The following SNTG2 variants were observed in gnomAD, a reference collection of about 807,000 sequenced individuals.
SNTG2 encodes gamma-2-syntrophin.
SNTG2 carries 74 observed loss-of-function variants against 70.9 expected under a neutral mutation model. The observed-to-expected ratio is 1.04, with a 90% confidence interval of 0.86 to 1.27. The LOEUF (loss-of-function observed/expected upper bound fraction) is 1.27, where lower values mean the gene tolerates loss of function less well. Among genes scored for constraint, SNTG2 ranks in the 50% most tolerant of loss-of-function variants. SNTG2 has a pLI of 0.00. For missense variants in SNTG2, 717 were observed against 690.7 expected (o/e 1.04, Z -0.43); for synonymous variants, 278 against 273.8 (o/e 1.02, Z -0.15).
intron 2 of SNTG2, among the ~76,000 whole-genome samples, chr2:1,086,146 CAG>C (rs972276878): frequency 6.6e-6 from 1 of 152,152 alleles, no homozygotes; most frequent in Non-Finnish European, 1.5e-5. Context: ...ACACAAGAAA[CAG>C]ACAACCACAA....
chr2:1,031,528 ATT>A lies in SNTG2; in HGVS notation c.73-51971_73-51970del, dbSNP rs745388505. 8.2e-3 allele frequency among the ~76,000 whole-genome samples: 482 copies of A among 59,030 alleles called. 3 individuals are homozygous for A. Among genetic ancestry groups the A allele is most frequent in the African/African-American group, 0.025 (297 of 11,984 alleles). The allele number at this position is 59,030 out of a possible 152,430, so 38.7% of individuals were successfully genotyped here. A position where few individuals can be genotyped will look rare whatever the true frequency, so the allele number is the denominator to read the frequency against. ...CATTGTTATATATATATATATATAT[ATT>A]TTTTTTTTTTTTTTTTTTGAGGCGA... On this transcript the variant is annotated intron_variant, in intron 1 of 16. Coordinates refer to ENST00000308624, the MANE Select transcript of SNTG2 (RefSeq NM_018968.4).
In SNTG2 at chr2:976,155, G is replaced by A. The variant is rs1221323685; in HGVS notation, c.72+25087G>A. On this transcript the variant is annotated intron_variant, in intron 1 of 16. Coordinates refer to ENST00000308624, the MANE Select transcript of SNTG2 (RefSeq NM_018968.4). The stretch of plus-strand genomic sequence containing the variant: ...ACAAGGCGATGAATCTGGAGTTTGT[G>A]GTGTGCTTATCAACAGAATAATTAG... 3.3e-5 allele frequency among the ~76,000 whole-genome samples: 5 copies of A among 152,104 alleles called. No homozygotes were observed. In the East Asian group the frequency reaches 9.6e-4, roughly 29 times the overall value.
Position 1,267,507 on chromosome 2 carries a change from G to A in SNTG2, c.1220G>A (p.Ser407Asn). Residue 407 changes from serine to asparagine, a missense_variant, in exon 14 of 17, where the codon AGC (serine) becomes AAC (asparagine). Ser to Asn is a conservative substitution (Grantham distance 46). Transcript: ENST00000308624. ...CATGTTTTCAACGTGGAGCTTGGCA[G>A]CGAGCTGGCCATGTGGGAGAAGTCC... ...KSHVFNVELG[S>N]ELAMWEKSFQ... 6.2e-7 allele frequency: 1 copy of A among 1,613,894 alleles called. No individual in the cohort carries two copies. The highest frequency in any genetic ancestry group is 8.5e-7 in the Non-Finnish European group (1 of 1,179,906).
chr2:1,254,972 C>T (rs1308930240), intron 12 of SNTG2, among the ~76,000 whole-genome samples: 2 of 152,258 alleles, frequency 1.3e-5, no homozygotes, highest in African/African-American at 2.4e-5. Flanking sequence ...CAGAGAAAAT[C>T]GGCTGATAAA....
At chr2:967,766 C>T (rs146063497) in intron 1 of SNTG2, among the ~76,000 whole-genome samples, 404 of 152,268 alleles carry the variant, frequency 2.7e-3, no homozygotes, top group African/African-American at 9.3e-3. Context: ...CGGTGGCTCA[C>T]GCTTGTAATC....
chr2:964,442 G>T (rs1402807675), intron 1 of SNTG2, among the ~76,000 whole-genome samples: 1 of 152,166 alleles, frequency 6.6e-6, no homozygotes. Context: ...TTACTTCCAG[G>T]AGAGCAGTCC....
chr2:1,245,889 G>A (rs931075751), intron 11 of SNTG2, among the ~76,000 whole-genome samples: 5 of 152,098 alleles, frequency 3.3e-5, no homozygotes, highest in Admixed American at 6.5e-5. Flanking sequence ...TAATTCTCAC[G>A]TGAGATCTAG....
rs1309489009 is a variant in SNTG2, at chr2:1,173,201, T to C, written c.591+18T>C. On this transcript the variant is annotated intron_variant, in intron 8 of 16. Transcript: ENST00000308624. ...GTACCACAGTAAGCATATAGATTTT[T>C]GTTAAATTTTATTTTAACAGAAATA... 1 of 1,608,560 alleles carries C rather than the reference T, an allele frequency of 6.2e-7. No individual in the cohort carries two copies. Among genetic ancestry groups the C allele is most frequent in the South Asian group, 1.1e-5 (1 of 90,662 alleles).
intron 14 of SNTG2, among the ~76,000 whole-genome samples, chr2:1,303,307 T>C (rs981509879): frequency 6.6e-6 from 1 of 152,138 alleles, no homozygotes; most frequent in African/African-American, 2.4e-5. Flanking sequence ...TTAATTAAAA[T>C]GGAAACAAAT....
intron 1 of SNTG2, among the ~76,000 whole-genome samples, chr2:1,007,271 T>G (rs1410896859): frequency 1.3e-5 from 2 of 152,128 alleles, no homozygotes; most frequent in Admixed American, 6.5e-5. Flanking sequence ...TTCTATGTTT[T>G]GGCCAATTCC....
At chr2:1,310,528 C>T (rs915693787) in intron 15 of SNTG2, among the ~76,000 whole-genome samples, 1 of 152,220 alleles carries the variant, frequency 6.6e-6, no homozygotes, top group African/African-American at 2.4e-5. Context: ...GGCTGATTTT[C>T]ACCTGGAGTG....
At chr2:1,118,757 T>C (rs1452708646) in intron 4 of SNTG2, among the ~76,000 whole-genome samples, 1 of 152,110 alleles carries the variant, frequency 6.6e-6, no homozygotes, top group African/African-American at 2.4e-5. Flanking sequence ...GAAGAAAGCC[T>C]GTGGCACTCA....
chr2:1,287,383 G>A (rs772317486), intron 14 of SNTG2, among the ~76,000 whole-genome samples: 10 of 152,228 alleles, frequency 6.6e-5, no homozygotes, highest in Non-Finnish European at 1.3e-4. Flanking sequence ...GAGGCTGGGT[G>A]AGTCCGGCAG....
chr2:1,103,756 C>T lies in SNTG2; in HGVS notation c.325+5346C>T, dbSNP rs1354627036. Among the ~76,000 whole-genome samples the T allele has an allele frequency of 2.6e-5, 4 of 152,094 alleles. No individual in the cohort carries two copies. The South Asian group carries it at 8.3e-4, about 32-fold the overall frequency. On this transcript the variant is annotated intron_variant, in intron 4 of 16. Transcript: ENST00000308624. ...CTTCATAGACACCAGACAAAGCCTC[C>T]GTGCATGCTGTGATTGCAGGCGCAC...
intron 16 of SNTG2, among the ~76,000 whole-genome samples, chr2:1,360,881 C>T (rs1314265939): frequency 6.6e-6 from 1 of 152,186 alleles, no homozygotes; most frequent in Non-Finnish European, 1.5e-5. Flanking sequence ...TTCTGCATAA[C>T]GATTCCAGTC....
chr2:1,278,984 G>A (rs866653764), intron 14 of SNTG2, among the ~76,000 whole-genome samples: 1 of 96,406 alleles, frequency 1.0e-5, no homozygotes, highest in African/African-American at 3.4e-5. Flanking sequence ...GTCAGCGCGC[G>A]AATCACCCCT....
intron 9 of SNTG2, among the ~76,000 whole-genome samples, chr2:1,221,408 A>T (rs1259397049): frequency 2.4e-4 from 18 of 75,396 alleles, no homozygotes; most frequent in South Asian, 3.8e-4. Context: ...TGTCCCTCTC[A>T]GTCTCTGGTT....
At chr2:1,149,192 CGT>C (rs1350793354) in intron 6 of SNTG2, among the ~76,000 whole-genome samples, 2 of 1,670 alleles carry the variant, frequency 1.2e-3, no homozygotes, top group Admixed American at 0.013. Flanking sequence ...TCTTGTCGGA[CGT>C]GTGTGTGTGT....
chr2:1,192,515 T>A (rs1440639083), intron 8 of SNTG2, among the ~76,000 whole-genome samples: 2 of 152,168 alleles, frequency 1.3e-5, no homozygotes, highest in Non-Finnish European at 2.9e-5. Context: ...ACCAAGAATT[T>A]TTAATTCTTG....
Sources: allele counts gnomAD v4.1 joint callset (sites outside exome capture counted in the v4.1 genomes callset), GRCh38; gene constraint gnomAD v4.1.1; transcripts MANE v1.5; gene names NCBI Gene and HGNC (gene_info 2026-07-23, HGNC 2026-07-21).